Variants in PLCL1 observed in about 807,000 individuals in gnomAD.
PLCL1 encodes the protein inactive phospholipase C-like protein 1.
In PLCL1, 41 loss-of-function variants were observed where a neutral mutation model predicts 84.4. The observed-to-expected ratio is 0.49, with a 90% confidence interval of 0.38 to 0.63. PLCL1 has a LOEUF of 0.63. Ranked by LOEUF, PLCL1 falls within the 30% of genes least tolerant of loss-of-function variation. The pLI, the probability that PLCL1 is intolerant of heterozygous loss-of-function variation, is 0.00. For missense variants in PLCL1, 1,206 were observed against 1,367.8 expected, an observed-to-expected ratio of 0.88 and a Z score of 1.87; for synonymous variants, 490 against 488.3, an observed-to-expected ratio of 1.00 and a Z score of -0.05.
chr2:197,951,457 T>C (rs539815836), intron 1 of PLCL1, among the ~76,000 whole-genome samples: 4 of 152,202 alleles, frequency 2.6e-5, no homozygotes, highest in African/African-American at 9.6e-5. Flanking sequence ...TTCAAGCGTA[T>C]TAGAAAAGAG....
At chr2:197,995,982 C>T (rs1202916180) in intron 1 of PLCL1, among the ~76,000 whole-genome samples, 1 of 152,164 alleles carries the variant, frequency 6.6e-6, no homozygotes, top group Non-Finnish European at 1.5e-5. Flanking sequence ...CCTCTGCAAA[C>T]ATTTTTGTAT....
At chr2:197,891,351 C>T (rs11676177) in intron 1 of PLCL1, among the ~76,000 whole-genome samples, 4 of 152,274 alleles carry the variant, frequency 2.6e-5, no homozygotes, top group Non-Finnish European at 4.4e-5. Flanking sequence ...TCCCAAGAAT[C>T]ACCTGGGAGA....
intron 1 of PLCL1, among the ~76,000 whole-genome samples, chr2:197,883,057 C>T (rs183952149): frequency 8.5e-5 from 13 of 152,122 alleles, no homozygotes; most frequent in East Asian, 3.9e-4. Flanking sequence ...TAGGTGATGA[C>T]GGGACAGAGC....
intron 1 of PLCL1, among the ~76,000 whole-genome samples, chr2:197,812,504 G>C (rs901934614): frequency 1.3e-5 from 2 of 152,150 alleles, no homozygotes; most frequent in Non-Finnish European, 2.9e-5. Flanking sequence ...GTGTGAGTTA[G>C]TATCTCATTG....
At chr2:198,028,101 A>G (rs1248291474) in intron 1 of PLCL1, among the ~76,000 whole-genome samples, 1 of 152,172 alleles carries the variant, frequency 6.6e-6, no homozygotes, top group Non-Finnish European at 1.5e-5. Flanking sequence ...TCAGCCTCCC[A>G]AAGTGTTGGG....
At chr2:197,978,524 T>C (rs982430312) in intron 1 of PLCL1, among the ~76,000 whole-genome samples, 1 of 152,134 alleles carries the variant, frequency 6.6e-6, no homozygotes, top group African/African-American at 2.4e-5. Flanking sequence ...GTTAAGTTCC[T>C]AAGGCATATT....
At chr2:197,943,550 A>G (rs1386179884) in intron 1 of PLCL1, among the ~76,000 whole-genome samples, 5 of 151,086 alleles carry the variant, frequency 3.3e-5, no homozygotes, top group Non-Finnish European at 7.4e-5. Flanking sequence ...ATTTTTACTC[A>G]TTTAAACCTT....
chr2:198,012,275 C>G (rs1690885866), intron 1 of PLCL1, among the ~76,000 whole-genome samples: 1 of 152,138 alleles, frequency 6.6e-6, no homozygotes, highest in Non-Finnish European at 1.5e-5. Context: ...TGCTGCAGGG[C>G]ATCCTATTCT....
At chr2:198,009,788 A>G (rs567838664) in intron 1 of PLCL1, among the ~76,000 whole-genome samples, 31 of 151,968 alleles carry the variant, frequency 2.0e-4, no homozygotes, top group Admixed American at 4.6e-4. Flanking sequence ...CAACTTTACA[A>G]TATTAAGTCT....
chr2:197,904,473 A>T (rs1688337180), intron 1 of PLCL1, among the ~76,000 whole-genome samples: 2 of 152,206 alleles, frequency 1.3e-5, no homozygotes, highest in African/African-American at 4.8e-5. Flanking sequence ...GGCTTAATGG[A>T]TAGTCACAGA....
intron 1 of PLCL1, among the ~76,000 whole-genome samples, chr2:197,829,542 T>C (rs1691010749): frequency 6.6e-6 from 1 of 152,218 alleles, no homozygotes; most frequent in African/African-American, 2.4e-5. Context: ...TTCTTCTTTT[T>C]AAAAGAGGCA....
chr2:198,028,034 T>A (rs1222339471), intron 1 of PLCL1, among the ~76,000 whole-genome samples: 3 of 152,116 alleles, frequency 2.0e-5, no homozygotes, highest in African/African-American at 7.2e-5. Flanking sequence ...AGAGATGGGG[T>A]CTTGCCATGT....
chr2:197,841,885 T>C (rs1022420566), intron 1 of PLCL1, among the ~76,000 whole-genome samples: 1 of 152,280 alleles, frequency 6.6e-6, no homozygotes, highest in Middle Eastern at 3.4e-3. Flanking sequence ...ACCCTTGCAA[T>C]TGATTGGAAA....
chr2:198,025,306 A>G (rs1419833273), intron 1 of PLCL1, among the ~76,000 whole-genome samples: 1 of 152,116 alleles, frequency 6.6e-6, no homozygotes, highest in African/African-American at 2.4e-5. Flanking sequence ...AATAATATGA[A>G]TATTTATACA....
chr2:197,941,381 T>G (rs1048580760), intron 1 of PLCL1, among the ~76,000 whole-genome samples: 1 of 151,994 alleles, frequency 6.6e-6, no homozygotes, highest in Non-Finnish European at 1.5e-5. Context: ...AGCTTTGACC[T>G]CCCAGGCTTG....
intron 1 of PLCL1, among the ~76,000 whole-genome samples, chr2:197,947,734 T>G (rs528071155): frequency 4.9e-4 from 74 of 152,192 alleles, no homozygotes; most frequent in Non-Finnish European, 8.5e-4. Flanking sequence ...CTGCTCTGAG[T>G]GCACACTTAA....
At chr2:198,013,623 G>A (rs1210444129) in intron 1 of PLCL1, among the ~76,000 whole-genome samples, 1 of 152,030 alleles carries the variant, frequency 6.6e-6, no homozygotes, top group Non-Finnish European at 1.5e-5. Flanking sequence ...CGTATCATAG[G>A]TGGTCTGAAT....
chr2:198,011,190 A>T (rs1243718963), intron 1 of PLCL1, among the ~76,000 whole-genome samples: 1 of 151,812 alleles, frequency 6.6e-6, no homozygotes, highest in African/African-American at 2.4e-5. Context: ...TAGTTACTGA[A>T]GGTATAAATT....
At chr2:198,100,553 A>G (rs934282245) in intron 3 of PLCL1, among the ~76,000 whole-genome samples, 10 of 152,070 alleles carry the variant, frequency 6.6e-5, no homozygotes, top group African/African-American at 2.4e-4. Context: ...ATGTCAACTG[A>G]GACTTAGGGG....
Sources: allele counts gnomAD v4.1 joint callset (sites outside exome capture counted in the v4.1 genomes callset), GRCh38; gene constraint gnomAD v4.1.1; transcripts MANE v1.5; gene names NCBI Gene and HGNC (gene_info 2026-07-23, HGNC 2026-07-21).